EYS: variants seen among roughly 807,000 people sequenced by gnomAD.
EYS encodes the protein protein eyes shut homolog.
EYS carries 250 observed loss-of-function variants against 282.1 expected under a neutral mutation model. The observed-to-expected ratio is 0.89, with a 90% CI of 0.80 to 0.98. The LOEUF (loss-of-function observed/expected upper bound fraction) is 0.98, where lower values mean the gene tolerates loss of function less well. EYS is among the 50% of genes least tolerant of loss of function. The pLI is 0.00. For missense variants in EYS, 4,016 were observed against 3,709.0 expected, an observed-to-expected ratio of 1.08 and a Z score of -2.15; for synonymous variants, 1,355 against 1,282.9, an observed-to-expected ratio of 1.06 and a Z score of -1.20.
intron 12 of EYS, among the ~76,000 whole-genome samples, chr6:65,093,696 G>T (rs1383457934): frequency 1.3e-5 from 2 of 151,670 alleles, no homozygotes; most frequent in Non-Finnish European, 3.0e-5. Flanking sequence ...CAAGAAGATG[G>T]CAAGGGAAGG....
At chr6:65,297,267 C>T (rs1370980786) in intron 11 of EYS, among the ~76,000 whole-genome samples, 2 of 151,798 alleles carry the variant, frequency 1.3e-5, no homozygotes, top group Admixed American at 6.6e-5. Context: ...GGGCACTTAA[C>T]ATTAGCATAT....
intron 37 of EYS, among the ~76,000 whole-genome samples, chr6:63,795,165 G>A (rs1343313175): frequency 6.6e-6 from 1 of 152,196 alleles, no homozygotes; most frequent in Non-Finnish European, 1.5e-5. Flanking sequence ...TAAGTATGTT[G>A]TGGCAAGCCA....
At chr6:63,846,684 T>G (rs539421653) in intron 36 of EYS, among the ~76,000 whole-genome samples, 1 of 152,278 alleles carries the variant, frequency 6.6e-6, no homozygotes, top group Admixed American at 6.5e-5. Context: ...CTTTATAATC[T>G]ACTCACACAC....
rs890745895 is a variant in EYS at position 64,502,016 on chromosome 6, G to A, written c.5645-62664C>T. On this transcript the variant is annotated intron_variant, in intron 26 of 42. Transcript: ENST00000503581. Reference sequence around the variant, plus strand: ...TACAGAGTAGTGATAATATAACACCGATCTCATAGGGCTGTCATAAATGTC... The same window carrying A: ...TACAGAGTAGTGATAATATAACACCAATCTCATAGGGCTGTCATAAATGTC... Among the ~76,000 whole-genome samples, 8 of 152,136 alleles carry A rather than the reference G, an allele frequency of 5.3e-5. No individual in the cohort carries two copies. In the South Asian group the frequency reaches 1.0e-3, roughly 20 times the overall value.
rs778809745 is a variant in EYS, at chr6:63,937,345, C to CTTT, written c.7055+47035_7055+47037dup. On this transcript the variant is annotated intron_variant, in intron 35 of 42. Transcript: ENST00000503581. ...CAAATTTTCTAGGCTTCTCTCTTTT[C>CTTT]TTTTTTTTTTTTTTTTTTTTTTTTT... Among the ~76,000 whole-genome samples, 79 of 54,386 alleles carry CTTT rather than the reference C, an allele frequency of 1.5e-3. 10 individuals carry two copies. The highest frequency in any genetic ancestry group is 1.8e-3 in the Admixed American group (8 of 4,412). 35.7% of individuals were successfully genotyped at this position (54,386 alleles called of 152,430 possible).
chr6:65,577,118 A>C (rs62407715), intron 2 of EYS, among the ~76,000 whole-genome samples: 7,972 of 151,918 alleles, frequency 0.052, 299 homozygotes, highest in South Asian at 0.15. Context: ...AGCCAAAGCA[A>C]TCTTGAGTAA....
At chr6:65,422,979 T>A (rs540319250) in intron 5 of EYS, among the ~76,000 whole-genome samples, 9 of 151,922 alleles carry the variant, frequency 5.9e-5, no homozygotes, top group African/African-American at 2.2e-4. Context: ...ATATATATAA[T>A]TTTGATATGT....
chr6:64,301,353 C>G (rs1323005748), intron 30 of EYS, among the ~76,000 whole-genome samples: 2 of 152,114 alleles, frequency 1.3e-5, no homozygotes, highest in African/African-American at 2.4e-5. Flanking sequence ...AAAGGAAAAT[C>G]AAGGAAACAG....
chr6:65,487,488 G>A (rs74725622), intron 5 of EYS, among the ~76,000 whole-genome samples: 7 of 152,100 alleles, frequency 4.6e-5, no homozygotes, highest in Admixed American at 2.0e-4. Context: ...GTTGATTTGC[G>A]TATGTTTAAC....
chr6:64,413,313 T>G (rs1773963132), intron 28 of EYS, among the ~76,000 whole-genome samples: 1 of 152,128 alleles, frequency 6.6e-6, no homozygotes, highest in African/African-American at 2.4e-5. Context: ...GGTAATGGCT[T>G]CTCAGCCATC....
intron 26 of EYS, among the ~76,000 whole-genome samples, chr6:64,453,522 A>G (rs1216416251): frequency 6.6e-6 from 1 of 152,198 alleles, no homozygotes; most frequent in African/African-American, 2.4e-5. Flanking sequence ...TACCCAAAGG[A>G]TTATAAATCA....
At chr6:63,916,238 T>C (rs999232604) in intron 35 of EYS, among the ~76,000 whole-genome samples, 1 of 152,196 alleles carries the variant, frequency 6.6e-6, no homozygotes, top group Non-Finnish European at 1.5e-5. Context: ...GACAACACAC[T>C]GAAGGCTCAG....
At chr6:64,292,416 T>C (rs1306423435) in intron 30 of EYS, among the ~76,000 whole-genome samples, 1 of 152,098 alleles carries the variant, frequency 6.6e-6, no homozygotes, top group Non-Finnish European at 1.5e-5. Context: ...TTGTTCTTCA[T>C]ATGATAAAAG....
At chr6:63,934,383 A>G (rs9359678) in intron 35 of EYS, among the ~76,000 whole-genome samples, 59,868 of 151,070 alleles carry the variant, frequency 0.4, 12,772 homozygotes, top group African/African-American at 0.56. Flanking sequence ...ATTTGACCCA[A>G]CCATCCCATT....
intron 26 of EYS, among the ~76,000 whole-genome samples, chr6:64,534,236 T>C (rs1764445470): frequency 6.6e-6 from 1 of 151,986 alleles, no homozygotes; most frequent in Admixed American, 6.6e-5. Flanking sequence ...TGACCATATT[T>C]ATTTTCTTCT....
chr6:64,120,248 C>T (rs1199757893), intron 31 of EYS, among the ~76,000 whole-genome samples: 57 of 147,422 alleles, frequency 3.9e-4, no homozygotes, highest in African/African-American at 1.4e-3. Flanking sequence ...CCCAGCTACT[C>T]GGGAGGCTGA....
chr6:63,777,881 A>G, intron 40 of EYS, 125 bp downstream of exon 40: 1 of 938,222 alleles, frequency 1.1e-6, no homozygotes, highest in Non-Finnish European at 1.6e-6. Flanking sequence ...ACAAGTCTAC[A>G]TAAGAACATT....
rs1156718479 is a variant in EYS at position 64,590,263 on chromosome 6, T to C, written c.5604A>G (p.Ser1868=). 2.6e-6 allele frequency: 4 copies of C among 1,550,506 alleles called. No individual in the cohort carries two copies. Among genetic ancestry groups the C allele is most frequent in the South Asian group, 1.2e-5 (1 of 83,962 alleles). The change falls in exon 26 of 43, where the codon TCA becomes TCG. Residue 1868 remains serine (S), a synonymous_variant. Transcript: ENST00000503581. ...LPFTRSLTLS[S]LESILAPQRL... is the part of the protein sequence containing the mutation. ...GTTGAGGTGCCAGAATGGATTCCAG[T>C]GAAGACAAAGTAAGAGATCTAGTGA...
chr6:65,335,206 A>C, intron 10 of EYS, 60 bp from the exon 11 acceptor site: 2 of 1,203,608 alleles, frequency 1.7e-6, no homozygotes, highest in Non-Finnish European at 2.5e-6. Context: ...CAATATTACA[A>C]TTGTGACCTG....
Sources: allele counts gnomAD v4.1 joint callset (sites outside exome capture counted in the v4.1 genomes callset), GRCh38; gene constraint gnomAD v4.1.1; transcripts MANE v1.5; gene names NCBI Gene and HGNC (gene_info 2026-07-23, HGNC 2026-07-21).